Variants in TTC7B observed in about 807,000 individuals in gnomAD.
The protein encoded by TTC7B is tetratricopeptide repeat protein 7B.
TTC7B carries 28 observed loss-of-function variants against 106.8 expected under a neutral mutation model. The ratio of observed to expected loss-of-function variants is 0.26; its 90% CI spans 0.19 to 0.36. The LOEUF (loss-of-function observed/expected upper bound fraction) is 0.36. Among genes scored for constraint, TTC7B ranks in the 10% least tolerant of loss-of-function variants. TTC7B has a pLI of 1.00. For missense variants in TTC7B, 862 were observed against 1,076.4 expected, an observed-to-expected ratio of 0.80 and a Z score of 2.79; for synonymous variants, 405 against 430.6, an observed-to-expected ratio of 0.94 and a Z score of 0.74.
At chr14:90,813,886 T>G (rs2031034965) in intron 1 of TTC7B, among the ~76,000 whole-genome samples, 1 of 151,682 alleles carries the variant, frequency 6.6e-6, no homozygotes, top group Non-Finnish European at 1.5e-5. Context: ...AGCCCGAGAG[T>G]GGGAAGGCCT....
intron 3 of TTC7B, among the ~76,000 whole-genome samples, chr14:90,774,243 T>C (rs1595364194): frequency 6.6e-6 from 1 of 152,084 alleles, no homozygotes; most frequent in Non-Finnish European, 1.5e-5. Flanking sequence ...GGGCCTGAGA[T>C]GGAAAGCAAC....
Position 90,593,743 on chromosome 14 carries a change from A to G in TTC7B, c.1967-117T>C, listed in dbSNP as rs1379215713. ...ACACCCCTTCCCCCATGATGTTTCT[A>G]AGATTTACTGTCCACAGAGAAACGC... is the stretch of plus-strand genomic sequence containing the variant. On this transcript the variant is annotated intron_variant, in intron 17 of 19. Transcript: ENST00000328459. 3.1e-5 allele frequency: 33 copies of G among 1,079,116 alleles called. No homozygotes were observed. In the East Asian group the frequency reaches 9.2e-4, roughly 30 times the overall value. The allele number at this position is 1,079,116 out of a possible 1,614,324, so 66.8% of individuals were successfully genotyped here.
intron 4 of TTC7B, among the ~76,000 whole-genome samples, chr14:90,735,718 A>T (rs527580486): frequency 4.4e-4 from 66 of 150,582 alleles, no homozygotes; most frequent in Non-Finnish European, 3.7e-4. Flanking sequence ...TTTTTTTTTA[A>T]AAAACCTACT....
At chr14:90,692,861 A>G (rs1887529349) in intron 6 of TTC7B, among the ~76,000 whole-genome samples, 1 of 151,812 alleles carries the variant, frequency 6.6e-6, no homozygotes. Context: ...TATAAATCAC[A>G]TTGATATTTA....
In TTC7B at chr14:90,599,826, G is replaced by A. The variant is rs146759810; in HGVS notation, c.1967-6200C>T. 3.0e-3 allele frequency among the ~76,000 whole-genome samples: 455 copies of A among 152,194 alleles called. 4 individuals are homozygous for A. The highest frequency in any genetic ancestry group is 9.9e-3 in the Admixed American group (152 of 15,298). On this transcript the variant is annotated intron_variant, in intron 17 of 19. Coordinates refer to ENST00000328459, the MANE Select transcript of TTC7B (RefSeq NM_001010854.2). The stretch of plus-strand genomic sequence containing the variant: ...AACTTATTCACAATTAAAATAATAC[G>A]AAAAAGCAGCAGTTCCATCTCTTAA...
chr14:90,545,053 C>T (rs564385806), intron 19 of TTC7B, among the ~76,000 whole-genome samples: 136 of 152,332 alleles, frequency 8.9e-4, no homozygotes, highest in African/African-American at 3.1e-3. Context: ...TCTCCTATTA[C>T]TACTGCTTTA....
At chr14:90,658,455 G>A in intron 9 of TTC7B, 68 bp from the exon 10 acceptor site, 1 of 1,421,236 alleles carries the variant, frequency 7.0e-7, no homozygotes, top group Non-Finnish European at 9.9e-7. Context: ...ACAAGTGTGA[G>A]TTTGTATCTA....
chr14:90,710,992 T>A (rs1396764820), intron 5 of TTC7B, among the ~76,000 whole-genome samples: 1 of 152,078 alleles, frequency 6.6e-6, no homozygotes, highest in African/African-American at 2.4e-5. Context: ...GAATTCTATA[T>A]CCAGTAAAAC....
chr14:90,606,721 T>C (rs1249728294), intron 17 of TTC7B, among the ~76,000 whole-genome samples: 6 of 152,164 alleles, frequency 3.9e-5, no homozygotes, highest in Non-Finnish European at 8.8e-5. Flanking sequence ...GCTATTTTAG[T>C]TTGACATGTC....
chr14:90,626,959 G>T (rs192106049), intron 15 of TTC7B, among the ~76,000 whole-genome samples: 1 of 152,290 alleles, frequency 6.6e-6, no homozygotes, highest in East Asian at 1.9e-4. Flanking sequence ...CACCAAGGAA[G>T]TTCTAGAAAC....
At chr14:90,670,712 C>G (rs1311454701) in intron 9 of TTC7B, among the ~76,000 whole-genome samples, 1 of 152,122 alleles carries the variant, frequency 6.6e-6, no homozygotes, top group East Asian at 1.9e-4. Flanking sequence ...ATCCCAGGGG[C>G]CATGTCAGAG....
chr14:90,632,424 A>G (rs1884740371), intron 15 of TTC7B, among the ~76,000 whole-genome samples: 1 of 152,228 alleles, frequency 6.6e-6, no homozygotes, highest in Non-Finnish European at 1.5e-5. Flanking sequence ...AAAAAGAAAC[A>G]TTAGTCTCAC....
intron 19 of TTC7B, among the ~76,000 whole-genome samples, chr14:90,557,375 C>T (rs1190839089): frequency 6.6e-6 from 1 of 152,214 alleles, no homozygotes; most frequent in East Asian, 1.9e-4. Flanking sequence ...GCCACTTAGG[C>T]AGAGGCTTCT....
At chr14:90,710,754 A>T (rs1888413711) in intron 5 of TTC7B, among the ~76,000 whole-genome samples, 1 of 152,208 alleles carries the variant, frequency 6.6e-6, no homozygotes, top group Non-Finnish European at 1.5e-5. Flanking sequence ...GCAATAAAGT[A>T]TTTTTTAACT....
At chr14:90,620,988 C>T (rs1884136210) in intron 15 of TTC7B, among the ~76,000 whole-genome samples, 1 of 152,200 alleles carries the variant, frequency 6.6e-6, no homozygotes, top group Non-Finnish European at 1.5e-5. Flanking sequence ...TCAAGAGGAA[C>T]AGCATGAGAG....
chr14:90,600,661 C>G lies in TTC7B; in HGVS notation c.1967-7035G>C, dbSNP rs552286542. 1.3e-5 allele frequency among the ~76,000 whole-genome samples: 2 copies of G among 152,184 alleles called. No homozygotes were observed. Among genetic ancestry groups the G allele is most frequent in the Non-Finnish European group, 2.9e-5 (2 of 68,022 alleles). ...AGGACCCCAGTAAGGCAGGGAGGGCCGGGGACATGTCATCACCGGTGGGCA... is the reference window on the plus strand; with the variant it reads ...AGGACCCCAGTAAGGCAGGGAGGGCGGGGGACATGTCATCACCGGTGGGCA... On this transcript the variant is annotated intron_variant, in intron 17 of 19. Coordinates refer to ENST00000328459, the MANE Select transcript of TTC7B (RefSeq NM_001010854.2). The surrounding 1 kb of genome is among the most constrained non-coding windows in gnomAD (Gnocchi z 4.3).
rs1314154161 is a variant in TTC7B, at chr14:90,539,936, T to C, written c.*1432A>G. On this transcript the variant is annotated 3_prime_UTR_variant, in exon 20 of 20. Transcript: ENST00000328459. The stretch of plus-strand genomic sequence containing the variant: ...TCTGACTGGACCGCTTTAGGTCACA[T>C]GCTCACTCCTGACCCTCTGTGGCCC... The C allele has an allele frequency of 6.6e-6, 1 of 152,248 alleles. No homozygotes were observed. Among genetic ancestry groups the C allele is most frequent in the South Asian group, 2.1e-4 (1 of 4,830 alleles). 9.4% of individuals were successfully genotyped at this position (152,248 alleles called of 1,614,324 possible).
At chr14:90,615,692 C>T (rs749459902) in intron 16 of TTC7B, among the ~76,000 whole-genome samples, 18 of 152,154 alleles carry the variant, frequency 1.2e-4, no homozygotes, top group Admixed American at 2.6e-4. Context: ...CACCTCTTAC[C>T]GAGCAGGCTG....
rs144050389 is a variant in TTC7B at position 90,572,536 on chromosome 14, G to A, written c.2310+5570C>T. ...CTAATGTAGTCCCTTGAAATAGAACGGCAGAGCCAGTCCTCAAGTTTTTAT... is the reference window on the plus strand; with the variant it reads ...CTAATGTAGTCCCTTGAAATAGAACAGCAGAGCCAGTCCTCAAGTTTTTAT... On this transcript the variant is annotated intron_variant, in intron 19 of 19. Coordinates refer to ENST00000328459, the MANE Select transcript of TTC7B (RefSeq NM_001010854.2). Among the ~76,000 whole-genome samples, 20 of 152,218 alleles carry A rather than the reference G, an allele frequency of 1.3e-4. No individual in the cohort carries two copies. In the East Asian group the frequency reaches 3.3e-3, roughly 25 times the overall value.
Sources: gnomAD v4.1 joint callset for allele counts (sites outside exome capture counted in the v4.1 genomes callset) on GRCh38, gnomAD v4.1.1 for gene constraint, Gnocchi (gnomAD v3.1) non-coding constraint, MANE v1.5 for transcripts, NCBI Gene and HGNC (gene_info 2026-07-23, HGNC 2026-07-21) for gene names.